The following EBF3 variants were observed in gnomAD, a reference collection of about 807,000 sequenced individuals.
EBF3 encodes EBF transcription factor 3.
Under a neutral mutation model 77.1 loss-of-function variants are expected in EBF3, and 18 were observed. The observed-to-expected ratio is 0.23, with a 90% CI of 0.16 to 0.35. The LOEUF is 0.35. Ranked by LOEUF, EBF3 falls within the 10% of genes least tolerant of loss-of-function variation. EBF3 has a pLI of 1.00. For synonymous variants in EBF3, 350 were observed against 343.5 expected, an observed-to-expected ratio of 1.02 and a Z score of -0.21; for missense variants, 558 against 860.0, an observed-to-expected ratio of 0.65 and a Z score of 4.39.
Position 129,841,719 on chromosome 10 carries a change from C to A in EBF3, c.1372+397G>T, listed in dbSNP as rs1025644610. Among the ~76,000 whole-genome samples, 2 of 152,128 alleles carry A rather than the reference C, an allele frequency of 1.3e-5. No homozygotes were observed. The highest frequency in any genetic ancestry group is 2.9e-5 in the Non-Finnish European group (2 of 68,020). On this transcript the variant is annotated intron_variant, in intron 13 of 16. Transcript: ENST00000440978. The surrounding 1 kb of genome is among the most constrained non-coding windows in gnomAD (Gnocchi z 4.6). ...GGGGGTCTGTCTCCATGGATTCGTTCCAAACTTAGACCCAAATCCCGCCGT... is the reference window on the plus strand; with the variant it reads ...GGGGGTCTGTCTCCATGGATTCGTTACAAACTTAGACCCAAATCCCGCCGT...
chr10:129,859,945 G>A (rs1365898523), intron 10 of EBF3, among the ~76,000 whole-genome samples: 1 of 152,224 alleles, frequency 6.6e-6, no homozygotes, highest in Non-Finnish European at 1.5e-5. Context: ...GGTGCTGAAA[G>A]AACCACGCAC....
At chr10:129,900,028 A>T (rs1048503913) in intron 6 of EBF3, among the ~76,000 whole-genome samples, 2 of 152,216 alleles carry the variant, frequency 1.3e-5, no homozygotes, top group Non-Finnish European at 2.9e-5. Flanking sequence ...CTTTAAATTA[A>T]CTTAGATTTA....
At chr10:129,895,730 C>T (rs187050219) in intron 6 of EBF3, among the ~76,000 whole-genome samples, 5 of 152,290 alleles carry the variant, frequency 3.3e-5, no homozygotes, top group Admixed American at 2.0e-4. Context: ...TGTATCGATA[C>T]TTGTGCCATT....
intron 11 of EBF3, among the ~76,000 whole-genome samples, chr10:129,844,519 G>A (rs72837146): frequency 0.014 from 2,156 of 152,232 alleles, 28 homozygotes; most frequent in South Asian, 0.046. Flanking sequence ...TGTTACATCT[G>A]AGAAGGCAAC....
intron 3 of EBF3, 101 bp downstream of exon 3, chr10:129,962,841 A>T: frequency 7.2e-7 from 1 of 1,388,378 alleles, no homozygotes; most frequent in Non-Finnish European, 1.0e-6. Context: ...TTTCGTGTTT[A>T]CATCCATGTC....
intron 8 of EBF3, among the ~76,000 whole-genome samples, chr10:129,871,908 C>G (rs565580751): frequency 1.3e-5 from 2 of 152,288 alleles, no homozygotes; most frequent in African/African-American, 4.8e-5. Flanking sequence ...GAGAAACAAA[C>G]AGGAAAAAAT....
Position 129,840,867 on chromosome 10 carries a change from G to A in EBF3, c.1538C>T (p.Ser513Phe). The A allele has an allele frequency of 1.2e-6, 2 of 1,613,724 alleles. No homozygotes were observed. Among genetic ancestry groups the A allele is most frequent in the Non-Finnish European group, 1.7e-6 (2 of 1,179,816 alleles). The change falls in exon 14 of 17, where the codon TCC becomes TTC. Residue 513 changes from serine to phenylalanine, a missense_variant. Coordinates refer to ENST00000440978, the MANE Select transcript of EBF3 (RefSeq NM_001375380.1). Reference sequence around the variant, plus strand: ...ACTGCCGTAGGGAGAGTTAGCGGAGGAGCCATTAAGAAATCCAGGCGAGCC... The same window carrying A: ...ACTGCCGTAGGGAGAGTTAGCGGAGAAGCCATTAAGAAATCCAGGCGAGCC... ...VPGSPGFLNGSSANSPYGIVP... is the reference protein window; with the variant it reads ...VPGSPGFLNGFSANSPYGIVP...
intron 6 of EBF3, among the ~76,000 whole-genome samples, chr10:129,912,872 T>C (rs1413734332): frequency 1.3e-5 from 2 of 152,220 alleles, no homozygotes; most frequent in Non-Finnish European, 2.9e-5. Context: ...CAGGAAGAAA[T>C]CTGTATGCAG....
intron 11 of EBF3, chr10:129,843,494 C>T (rs2133959721): frequency 2.7e-6 from 1 of 364,796 alleles, no homozygotes. Flanking sequence ...AGAACGAGCC[C>T]AATCCGTGCC....
intron 6 of EBF3, 139 bp from the exon 7 acceptor site, chr10:129,877,988 A>G: frequency 1.5e-6 from 1 of 663,638 alleles, no homozygotes; most frequent in Non-Finnish European, 2.5e-6. Flanking sequence ...GGCGACATTG[A>G]GAAGAGGCTC....
chr10:129,957,380 C>A, intron 5 of EBF3, 54 bp from the exon 6 acceptor site: 1 of 1,438,658 alleles, frequency 7.0e-7, no homozygotes, highest in Non-Finnish European at 9.4e-7. Context: ...CTTTTATGCC[C>A]GACTTGTATT....
intron 14 of EBF3, 51 bp downstream of exon 14, chr10:129,840,793 G>A (rs776173143): frequency 6.5e-5 from 102 of 1,575,154 alleles, no homozygotes; most frequent in Non-Finnish European, 8.0e-5. Flanking sequence ...CACTCGACTC[G>A]GTAGTGAATA....
At chr10:129,913,338 C>CA (rs769521597) in intron 6 of EBF3, among the ~76,000 whole-genome samples, 2 of 152,276 alleles carry the variant, frequency 1.3e-5, no homozygotes, top group Non-Finnish European at 2.9e-5. Context: ...ATGCACTGGG[C>CA]AGGGCCCAAG....
intron 6 of EBF3, among the ~76,000 whole-genome samples, chr10:129,945,331 G>C (rs990120093): frequency 6.6e-6 from 1 of 152,106 alleles, no homozygotes; most frequent in Non-Finnish European, 1.5e-5. Context: ...ACCATCCCTC[G>C]AAGATAACTC....
At chr10:129,920,633 C>T (rs892076227) in intron 6 of EBF3, among the ~76,000 whole-genome samples, 4 of 152,248 alleles carry the variant, frequency 2.6e-5, no homozygotes, top group African/African-American at 4.8e-5. Context: ...GAAAGGAAGA[C>T]ATGACTCCAG....
chr10:129,873,009 C>G (rs1209239457), intron 8 of EBF3, among the ~76,000 whole-genome samples: 2 of 152,034 alleles, frequency 1.3e-5, no homozygotes, highest in Non-Finnish European at 2.9e-5. Flanking sequence ...CACGCACATA[C>G]ACGTGGATCA....
intron 6 of EBF3, among the ~76,000 whole-genome samples, chr10:129,933,955 C>T (rs919731807): frequency 2.3e-4 from 35 of 152,196 alleles, no homozygotes; most frequent in African/African-American, 6.8e-4. Flanking sequence ...GAGAACCATC[C>T]GGGACACAGA....
At chr10:129,956,923 G>A (rs1035133698) in intron 6 of EBF3, among the ~76,000 whole-genome samples, 1 of 152,176 alleles carries the variant, frequency 6.6e-6, no homozygotes, top group Non-Finnish European at 1.5e-5. Flanking sequence ...TGAAATACTT[G>A]TTAACAAATT....
chr10:129,958,805 C>T, intron 5 of EBF3, 129 bp downstream of exon 5: 1 of 1,286,046 alleles, frequency 7.8e-7, no homozygotes, highest in Admixed American at 3.6e-5. Context: ...CGGCCTCGGG[C>T]CGATTACATT....
Sources: allele counts gnomAD v4.1 joint callset (sites outside exome capture counted in the v4.1 genomes callset), GRCh38; gene constraint gnomAD v4.1.1; non-coding constraint Gnocchi (gnomAD v3.1); transcripts MANE v1.5; gene names NCBI Gene and HGNC (gene_info 2026-07-23, HGNC 2026-07-21).